Variants in PCNX2 observed in about 807,000 individuals in gnomAD.
The protein encoded by PCNX2 is pecanex-like protein 2.
Under a neutral mutation model 223.8 loss-of-function variants are expected in PCNX2, and 168 were observed. The observed-to-expected ratio is 0.75, with a 90% CI of 0.66 to 0.85. The LOEUF (loss-of-function observed/expected upper bound fraction) is 0.85. PCNX2 is among the 40% of genes least tolerant of loss of function. The pLI is 0.00. For missense variants in PCNX2, 2,507 were observed against 2,675.5 expected (o/e 0.94, Z 1.39); for synonymous variants, 1,006 against 1,052.6 (o/e 0.96, Z 0.86).
At chr1:233,198,839 C>A (rs756771298) in intron 15 of PCNX2, 100 bp downstream of exon 15, 1 of 1,179,100 alleles carries the variant, frequency 8.5e-7, no homozygotes, top group South Asian at 1.3e-5. Context: ...TGCACAGATC[C>A]GATTTCTCTT....
At chr1:233,081,302 C>T (rs750369705) in intron 23 of PCNX2, among the ~76,000 whole-genome samples, 1 of 152,128 alleles carries the variant, frequency 6.6e-6, no homozygotes, top group Non-Finnish European at 1.5e-5. Flanking sequence ...GCCGAGATCA[C>T]GCCACTGCAC....
intron 8 of PCNX2, among the ~76,000 whole-genome samples, chr1:233,250,073 C>T (rs1659361788): frequency 6.6e-6 from 1 of 152,188 alleles, no homozygotes; most frequent in Non-Finnish European, 1.5e-5. Flanking sequence ...TCTAAAGAAG[C>T]ATACATGAAC....
At chr1:233,164,941 A>C (rs1678705991) in intron 17 of PCNX2, among the ~76,000 whole-genome samples, 1 of 152,208 alleles carries the variant, frequency 6.6e-6, no homozygotes, top group Non-Finnish European at 1.5e-5. Flanking sequence ...GAAAGAATAA[A>C]TTCTGGTGTT....
intron 22 of PCNX2, among the ~76,000 whole-genome samples, chr1:233,090,393 T>C (rs1170860148): frequency 2.6e-5 from 4 of 152,160 alleles, no homozygotes; most frequent in African/African-American, 9.7e-5. Context: ...CACCACCACG[T>C]AAACCAAATG....
At position 233,141,799 on chromosome 1, in the gene PCNX2, G is replaced by GTGTGTGTGTA. The variant is rs368643677; in HGVS notation, c.3518-1945_3518-1944insTACACACACA. Among the ~76,000 whole-genome samples, 1,003 of 150,416 alleles carry GTGTGTGTGTA rather than the reference G, an allele frequency of 6.7e-3. 10 individuals carry two copies. The highest frequency in any genetic ancestry group is 0.048 in the East Asian group (248 of 5,144). On this transcript the variant is annotated intron_variant, in intron 19 of 33. Transcript: ENST00000258229. ...TGTGTGTGTGTGTGTGTGTGTGTGT[G>GTGTGTGTGTA]TATATGAAGAGAGACTTGGCATTTA...
chr1:233,051,827 T>C (rs1203736191), intron 25 of PCNX2, among the ~76,000 whole-genome samples: 2 of 152,180 alleles, frequency 1.3e-5, no homozygotes, highest in Admixed American at 6.5e-5. Context: ...CCTGCATATG[T>C]ACCCCCAAAT....
At chr1:233,051,512 GC>G (rs1267970983) in intron 25 of PCNX2, among the ~76,000 whole-genome samples, 1 of 152,210 alleles carries the variant, frequency 6.6e-6, no homozygotes, top group Non-Finnish European at 1.5e-5. Context: ...ATACTATGCA[GC>G]CATAAAGAAA....
intron 17 of PCNX2, among the ~76,000 whole-genome samples, chr1:233,166,537 T>C (rs1011959359): frequency 5.3e-5 from 8 of 152,034 alleles, no homozygotes; most frequent in Non-Finnish European, 8.8e-5. Context: ...AACAACACCC[T>C]CCTACATCCC....
chr1:233,001,552 G>A lies in PCNX2; in HGVS notation c.5082C>T (p.Ser1694=), dbSNP rs376210599. 3.0e-5 allele frequency: 43 copies of A among 1,440,340 alleles called. No individual in the cohort carries two copies. In the African/African-American group the frequency reaches 5.4e-4, roughly 18 times the overall value. The allele number at this position is 1,440,340 out of a possible 1,614,324, so 89.2% of individuals were successfully genotyped here. Residue 1694 remains serine, a synonymous_variant, in exon 29 of 34, where the codon TCC becomes TCT. Coordinates refer to ENST00000258229, the MANE Select transcript of PCNX2 (RefSeq NM_014801.4). This position sits in a 1 kb window ranked among gnomAD's most constrained non-coding sequence, Gnocchi z 4.2. Reference sequence around the variant, plus strand: ...AGGTTTTTACCTGGTGAAGTTTCAGGGACATCCTGATAGCTGGAGCTACAA... The same window carrying A: ...AGGTTTTTACCTGGTGAAGTTTCAGAGACATCCTGATAGCTGGAGCTACAA... ...HKVVAPAIRM[S]LKLHQDQFTC...
chr1:233,131,958 A>G (rs1558264454), intron 21 of PCNX2, among the ~76,000 whole-genome samples: 1 of 148,332 alleles, frequency 6.7e-6, no homozygotes, highest in Non-Finnish European at 1.5e-5. Context: ...TTTTTTTGAG[A>G]TGGAGTCTCA....
chr1:233,242,627 T>C (rs1658841771), intron 8 of PCNX2, among the ~76,000 whole-genome samples: 1 of 152,228 alleles, frequency 6.6e-6, no homozygotes, highest in South Asian at 2.1e-4. Context: ...GAAATATAAA[T>C]ATTTGCTGAA....
At chr1:233,175,936 C>T (rs998643636) in intron 17 of PCNX2, among the ~76,000 whole-genome samples, 4 of 152,268 alleles carry the variant, frequency 2.6e-5, no homozygotes, top group Middle Eastern at 3.4e-3. Flanking sequence ...GGCTGTGAGT[C>T]CTGTACGTCG....
Position 233,007,416 on chromosome 1 carries a change from C to T in PCNX2, c.4953-5735G>A, listed in dbSNP as rs140801618. On this transcript the variant is annotated intron_variant, in intron 28 of 33. Coordinates refer to ENST00000258229, the MANE Select transcript of PCNX2 (RefSeq NM_014801.4). ...AGAGTAAGATGGGTGGGAGCAAATA[C>T]TCAGAATCTGATGTCACACTGAAGA... Among the ~76,000 whole-genome samples the T allele has an allele frequency of 5.9e-5, 9 of 152,250 alleles. No individual in the cohort carries two copies. The East Asian group carries it at 1.7e-3, about 29-fold the overall frequency.
the PCNX2 span, among the ~76,000 whole-genome samples, chr1:233,304,240 G>A: frequency 6.6e-6 from 1 of 152,188 alleles, no homozygotes; most frequent in African/African-American, 2.4e-5. Flanking sequence ...AGAGGAGCAT[G>A]AGCATGGGGT....
intron 12 of PCNX2, among the ~76,000 whole-genome samples, chr1:233,214,027 C>T (rs1347088048): frequency 6.6e-6 from 1 of 151,732 alleles, no homozygotes; most frequent in Non-Finnish European, 1.5e-5. Flanking sequence ...CGGGGTTTCA[C>T]CACCTTGGCC....
the PCNX2 span, among the ~76,000 whole-genome samples, chr1:233,313,827 C>T: frequency 6.6e-6 from 1 of 152,150 alleles, no homozygotes; most frequent in African/African-American, 2.4e-5. Context: ...AAGCAACGCA[C>T]TTTACAACTA....
At chr1:233,015,470 G>T (rs1247995081) in intron 27 of PCNX2, among the ~76,000 whole-genome samples, 1 of 152,080 alleles carries the variant, frequency 6.6e-6, no homozygotes, top group Non-Finnish European at 1.5e-5. Context: ...AGGCCGAGGC[G>T]GACAGATCAC....
intron 14 of PCNX2, 28 bp downstream of exon 14, chr1:233,200,126 C>A: frequency 6.8e-7 from 1 of 1,480,266 alleles, no homozygotes; most frequent in Non-Finnish European, 9.2e-7. Flanking sequence ...AATTCCTTTA[C>A]AGGAAGAATA....
At chr1:233,129,970 A>G (rs1233712581) in intron 21 of PCNX2, among the ~76,000 whole-genome samples, 2 of 152,198 alleles carry the variant, frequency 1.3e-5, no homozygotes, top group Non-Finnish European at 2.9e-5. Context: ...GTTCGGGTCC[A>G]CACTGCCTTT....
Sources: gnomAD v4.1 joint callset for allele counts (sites outside exome capture counted in the v4.1 genomes callset) on GRCh38, gnomAD v4.1.1 for gene constraint, Gnocchi (gnomAD v3.1) non-coding constraint, MANE v1.5 for transcripts, NCBI Gene and HGNC (gene_info 2026-07-23, HGNC 2026-07-21) for gene names.